The following DENND1B variants were observed in gnomAD, a reference collection of about 807,000 sequenced individuals.
DENND1B encodes the protein DENN domain containing 1B, also known as DENN domain-containing protein 1B.
Under a neutral mutation model 90.1 loss-of-function variants are expected in DENND1B, and 59 were observed. The ratio of observed to expected loss-of-function variants is 0.65; its 90% CI spans 0.53 to 0.81. The LOEUF (loss-of-function observed/expected upper bound fraction) is 0.81. DENND1B is among the 40% of genes least tolerant of loss of function. The pLI, the probability that DENND1B is intolerant of heterozygous loss-of-function variation, is 0.00. For missense variants in DENND1B, 862 were observed against 912.6 expected (o/e 0.94, Z 0.71); for synonymous variants, 337 against 324.6 (o/e 1.04, Z -0.41).
intron 3 of DENND1B, among the ~76,000 whole-genome samples, chr1:197,686,321 G>C (rs1454680709): frequency 2.0e-5 from 3 of 152,096 alleles, no homozygotes; most frequent in Non-Finnish European, 4.4e-5. Flanking sequence ...TATAAAAGCA[G>C]ATTAAGGTAA....
intron 10 of DENND1B, among the ~76,000 whole-genome samples, chr1:197,639,629 T>C (rs1680102187): frequency 1.3e-5 from 2 of 152,088 alleles, no homozygotes; most frequent in Admixed American, 1.3e-4. Context: ...ACTTAAAAAA[T>C]TAAAAATGGA....
chr1:197,640,523 T>C (rs1009097922), intron 10 of DENND1B, among the ~76,000 whole-genome samples: 1 of 151,710 alleles, frequency 6.6e-6, no homozygotes, highest in Non-Finnish European at 1.5e-5. Context: ...TAGCTCATAA[T>C]TACTAAACAT....
intron 8 of DENND1B, among the ~76,000 whole-genome samples, chr1:197,646,089 GACAT>G (rs1680710440): frequency 6.6e-6 from 1 of 151,612 alleles, no homozygotes; most frequent in South Asian, 2.1e-4. Context: ...AGTATATAGA[GACAT>G]ACACACCTAT....
At chr1:197,554,219 T>C (rs6683727) in intron 15 of DENND1B, among the ~76,000 whole-genome samples, 1,969 of 151,966 alleles carry the variant, frequency 0.013, 45 homozygotes, top group African/African-American at 0.046. Context: ...TATGTTGTGG[T>C]TTACTCCATC....
chr1:197,593,946 C>G (rs1675460583), intron 14 of DENND1B, among the ~76,000 whole-genome samples: 1 of 152,038 alleles, frequency 6.6e-6, no homozygotes, highest in Admixed American at 6.6e-5. Flanking sequence ...TGATGTTGAA[C>G]AATTCAAATA....
In DENND1B at chr1:197,627,223, G is replaced by C. The variant is rs559126790; in HGVS notation, c.673-9464C>G. ...TACCAAAGCCGGGCAGAGACACACC[G>C]AAAAAAGAGAATTTTAGACCAATAT... On this transcript the variant is annotated intron_variant, in intron 10 of 22. Coordinates refer to ENST00000620048, the MANE Select transcript of DENND1B (RefSeq NM_001195215.2). Among the ~76,000 whole-genome samples, 1,362 of 151,460 alleles carry C rather than the reference G, an allele frequency of 9.0e-3. 17 individuals carry two copies. Among genetic ancestry groups the C allele is most frequent in the African/African-American group, 0.028 (1,152 of 41,358 alleles).
chr1:197,661,369 C>T (rs1654388681), intron 5 of DENND1B, among the ~76,000 whole-genome samples: 3 of 151,810 alleles, frequency 2.0e-5, no homozygotes, highest in Non-Finnish European at 4.4e-5. Flanking sequence ...TTAGTTAGAG[C>T]CTAATTGCTT....
intron 3 of DENND1B, among the ~76,000 whole-genome samples, chr1:197,674,406 G>A (rs1655845229): frequency 1.3e-5 from 2 of 152,206 alleles, no homozygotes; most frequent in African/African-American, 4.8e-5. Context: ...GGCCTGAAGG[G>A]TATTAACACC....
intron 12 of DENND1B, among the ~76,000 whole-genome samples, chr1:197,610,012 C>T (rs1677037934): frequency 6.6e-6 from 1 of 150,670 alleles, no homozygotes; most frequent in Non-Finnish European, 1.5e-5. Context: ...ATGAAATTTG[C>T]AGGATTTACA....
intron 5 of DENND1B, among the ~76,000 whole-genome samples, chr1:197,662,011 G>A (rs2488389): frequency 0.22 from 33,998 of 151,828 alleles, 4,021 homozygotes; most frequent in Middle Eastern, 0.33. Context: ...TGGTATCTAC[G>A]TAATTATTAC....
At chr1:197,749,830 G>T (rs1459025554) in intron 2 of DENND1B, among the ~76,000 whole-genome samples, 6 of 151,822 alleles carry the variant, frequency 4.0e-5, no homozygotes, top group South Asian at 2.1e-4. Flanking sequence ...AGTTTTTTGG[G>T]TTTTTTTGTT....
intron 16 of DENND1B, among the ~76,000 whole-genome samples, chr1:197,548,217 G>C (rs758837270): frequency 1.3e-5 from 2 of 152,126 alleles, no homozygotes; most frequent in Non-Finnish European, 2.9e-5. Flanking sequence ...ACAAGTCATC[G>C]CATGTTTTTA....
At chr1:197,644,149 C>T (rs188746832) in intron 9 of DENND1B, among the ~76,000 whole-genome samples, 25 of 152,118 alleles carry the variant, frequency 1.6e-4, no homozygotes, top group African/African-American at 5.3e-4. Context: ...ATTCAACTCT[C>T]CATATAAAAA....
chr1:197,669,264 T>C (rs1269225236), intron 5 of DENND1B, among the ~76,000 whole-genome samples: 3 of 152,134 alleles, frequency 2.0e-5, no homozygotes, highest in African/African-American at 7.2e-5. Flanking sequence ...AGTAATTTTT[T>C]TCTTCTAGTT....
chr1:197,741,861 C>A (rs958681814), intron 2 of DENND1B, among the ~76,000 whole-genome samples: 6 of 152,032 alleles, frequency 3.9e-5, no homozygotes, highest in African/African-American at 1.4e-4. Flanking sequence ...TTTAGAGATT[C>A]GATTTGCAGT....
At chr1:197,686,721 CTT>C (rs767332497) in intron 3 of DENND1B, among the ~76,000 whole-genome samples, 3 of 145,338 alleles carry the variant, frequency 2.1e-5, no homozygotes, top group South Asian at 2.2e-4. Context: ...ATATCTGTCT[CTT>C]TTTTTTTTTT....
At chr1:197,754,428 T>A (rs1407679035) in intron 2 of DENND1B, among the ~76,000 whole-genome samples, 1 of 152,080 alleles carries the variant, frequency 6.6e-6, no homozygotes, top group African/African-American at 2.4e-5. Flanking sequence ...GGCTCACACC[T>A]GTAATCCCAA....
intron 7 of DENND1B, 141 bp downstream of exon 7, chr1:197,652,094 C>T (rs760631706): frequency 1.1e-5 from 7 of 641,490 alleles, no homozygotes; most frequent in African/African-American, 1.9e-5. Flanking sequence ...AATATTATCA[C>T]CTTGTTATGT....
At chr1:197,626,488 G>T (rs1678740406) in intron 10 of DENND1B, among the ~76,000 whole-genome samples, 1 of 152,100 alleles carries the variant, frequency 6.6e-6, no homozygotes, top group African/African-American at 2.4e-5. Context: ...TGAGAACAAA[G>T]ACACAACATA....
Sources: allele counts gnomAD v4.1 joint callset (sites outside exome capture counted in the v4.1 genomes callset), GRCh38; gene constraint gnomAD v4.1.1; transcripts MANE v1.5; gene names NCBI Gene and HGNC (gene_info 2026-07-23, HGNC 2026-07-21).